The following LRRC4C variants were observed in gnomAD, a reference collection of about 807,000 sequenced individuals.
LRRC4C encodes the protein leucine rich repeat containing 4C.
A neutral mutation model predicts 33.6 loss-of-function variants in LRRC4C; 5 were observed. That is an observed-to-expected ratio of 0.15 (90% CI 0.08 to 0.31). The LOEUF (loss-of-function observed/expected upper bound fraction) is 0.31. Among genes scored for constraint, LRRC4C ranks in the 10% least tolerant of loss-of-function variants. The pLI is 1.00. For missense variants in LRRC4C, 560 were observed against 796.7 expected, an observed-to-expected ratio of 0.70 and a Z score of 3.58; for synonymous variants, 329 against 302.0, an observed-to-expected ratio of 1.09 and a Z score of -0.93.
chr11:40,764,951 A>T (rs1949382551), intron 2 of LRRC4C, among the ~76,000 whole-genome samples: 1 of 152,104 alleles, frequency 6.6e-6, no homozygotes, highest in African/African-American at 2.4e-5. Context: ...ATTCCATTTG[A>T]ATTATTGGAA....
intron 1 of LRRC4C, among the ~76,000 whole-genome samples, chr11:41,404,492 G>GTGTC (rs1317115642): frequency 6.2e-5 from 9 of 145,530 alleles, no homozygotes; most frequent in Non-Finnish European, 1.2e-4. Context: ...CTGTGTGTGT[G>GTGTC]TGTGTATACA....
At chr11:40,846,947 T>C (rs1313472857) in intron 2 of LRRC4C, among the ~76,000 whole-genome samples, 1 of 152,192 alleles carries the variant, frequency 6.6e-6, no homozygotes. Flanking sequence ...GCTCATGATT[T>C]GGCTCTCTAT....
chr11:41,154,976 G>T (rs565664586), intron 1 of LRRC4C, among the ~76,000 whole-genome samples: 1 of 152,252 alleles, frequency 6.6e-6, no homozygotes, highest in Admixed American at 6.5e-5. Flanking sequence ...TTGCAGCTTA[G>T]GAAAGGGATG....
chr11:40,783,965 C>A (rs554686381), intron 2 of LRRC4C, among the ~76,000 whole-genome samples: 3 of 152,096 alleles, frequency 2.0e-5, no homozygotes, highest in South Asian at 4.1e-4. Context: ...ATTCATTGGA[C>A]AAATACCGCT....
At chr11:41,090,738 T>A (rs535842940) in intron 1 of LRRC4C, among the ~76,000 whole-genome samples, 2 of 152,080 alleles carry the variant, frequency 1.3e-5, no homozygotes, top group Admixed American at 1.3e-4. Flanking sequence ...ATGATGTTCC[T>A]GCGATAGTGA....
intron 1 of LRRC4C, among the ~76,000 whole-genome samples, chr11:41,449,203 A>C (rs1454654041): frequency 6.6e-6 from 1 of 152,186 alleles, no homozygotes; most frequent in Admixed American, 6.5e-5. Flanking sequence ...CAAAGGATGT[A>C]GATTTGAAAA....
At chr11:41,321,350 T>C (rs1390287599) in intron 1 of LRRC4C, among the ~76,000 whole-genome samples, 1 of 152,080 alleles carries the variant, frequency 6.6e-6, no homozygotes, top group African/African-American at 2.4e-5. Flanking sequence ...AAAAAAATCT[T>C]CACAACTTTA....
intron 3 of LRRC4C, among the ~76,000 whole-genome samples, chr11:40,561,912 T>A (rs1957565732): frequency 6.6e-6 from 1 of 152,218 alleles, no homozygotes; most frequent in South Asian, 2.1e-4. Context: ...AATCTGTTAC[T>A]CCATAATGGG....
At chr11:40,501,783 T>C (rs1049236751) in intron 3 of LRRC4C, among the ~76,000 whole-genome samples, 7 of 152,172 alleles carry the variant, frequency 4.6e-5, no homozygotes, top group African/African-American at 1.4e-4. Flanking sequence ...ATTTTCCCCA[T>C]TGTCTTGGTG....
intron 2 of LRRC4C, among the ~76,000 whole-genome samples, chr11:40,658,806 A>G (rs1250298504): frequency 6.6e-6 from 1 of 152,230 alleles, no homozygotes; most frequent in Non-Finnish European, 1.5e-5. Flanking sequence ...GCATATGGTC[A>G]ATATCTAGTG....
intron 3 of LRRC4C, among the ~76,000 whole-genome samples, chr11:40,347,069 C>T (rs1468858081): frequency 6.6e-6 from 1 of 152,204 alleles, no homozygotes; most frequent in African/African-American, 2.4e-5. Context: ...ATTGACTTCT[C>T]CTCTCTTGCT....
intron 1 of LRRC4C, among the ~76,000 whole-genome samples, chr11:41,160,720 T>G (rs906402686): frequency 6.6e-6 from 1 of 152,148 alleles, no homozygotes; most frequent in Non-Finnish European, 1.5e-5. Flanking sequence ...CCTTTCAGAA[T>G]TCATTGTCTA....
chr11:40,639,279 C>T (rs1941963877), intron 3 of LRRC4C, among the ~76,000 whole-genome samples: 1 of 152,146 alleles, frequency 6.6e-6, no homozygotes. Context: ...CAGACTTTTA[C>T]CAGTAGAATA....
chr11:40,216,013 C>A (rs1020006569), intron 5 of LRRC4C, among the ~76,000 whole-genome samples: 1 of 152,034 alleles, frequency 6.6e-6, no homozygotes, highest in Admixed American at 6.6e-5. Flanking sequence ...TGAGATTAAT[C>A]TGTATTTTTT....
intron 5 of LRRC4C, among the ~76,000 whole-genome samples, chr11:40,168,620 G>T (rs1382679435): frequency 1.3e-5 from 2 of 152,188 alleles, no homozygotes; most frequent in African/African-American, 2.4e-5. Context: ...TTTATGAAGG[G>T]TCAGATGGGG....
chr11:41,235,515 T>C (rs949350063), intron 1 of LRRC4C, among the ~76,000 whole-genome samples: 1 of 152,108 alleles, frequency 6.6e-6, no homozygotes, highest in Non-Finnish European at 1.5e-5. Flanking sequence ...AATTATACAT[T>C]TGAAATTTGC....
intron 5 of LRRC4C, among the ~76,000 whole-genome samples, chr11:40,181,969 T>A (rs1197602389): frequency 6.6e-6 from 1 of 152,178 alleles, no homozygotes; most frequent in Non-Finnish European, 1.5e-5. Flanking sequence ...AAATATTTAT[T>A]AATGTGAGGA....
chr11:40,934,175 C>A (rs1255661262), intron 1 of LRRC4C, among the ~76,000 whole-genome samples: 2 of 152,114 alleles, frequency 1.3e-5, no homozygotes, highest in Non-Finnish European at 2.9e-5. Flanking sequence ...TGTCATTATT[C>A]TTTTGTCTAT....
chr11:40,138,376 G>T (rs911938400), intron 6 of LRRC4C, among the ~76,000 whole-genome samples: 1 of 152,066 alleles, frequency 6.6e-6, no homozygotes, highest in Admixed American at 6.6e-5. Context: ...TTGCTATGTT[G>T]TCCAGGCTGA....
Sources: allele counts gnomAD v4.1 joint callset (sites outside exome capture counted in the v4.1 genomes callset), GRCh38; gene constraint gnomAD v4.1.1; transcripts MANE v1.5; gene names NCBI Gene and HGNC (gene_info 2026-07-23, HGNC 2026-07-21).